Variants in PACSIN2 observed in about 807,000 individuals in gnomAD.
The protein encoded by PACSIN2 is protein kinase C and casein kinase substrate in neurons protein 2.
PACSIN2 carries 25 observed loss-of-function variants against 63.8 expected under a neutral mutation model. That is an observed-to-expected ratio of 0.39 (90% CI 0.29 to 0.55). The LOEUF (loss-of-function observed/expected upper bound fraction) is 0.55. PACSIN2 is among the 20% of genes least tolerant of loss of function. The probability of loss-of-function intolerance (pLI) is 0.62; values close to 1 mark genes in which losing one functional copy is unlikely to be tolerated. For missense variants in PACSIN2, 518 were observed against 646.9 expected, an observed-to-expected ratio of 0.80 and a Z score of 2.16; for synonymous variants, 255 against 256.2, an observed-to-expected ratio of 1.00 and a Z score of 0.05.
intron 1 of PACSIN2, among the ~76,000 whole-genome samples, chr22:42,987,634 C>A (rs1049121791): frequency 6.7e-6 from 1 of 149,870 alleles, no homozygotes; most frequent in Non-Finnish European, 1.5e-5. Context: ...CGGGTTCAAG[C>A]GATTCTCCTG....
chr22:42,936,345 T>C (rs1367201194), intron 1 of PACSIN2, among the ~76,000 whole-genome samples: 1 of 152,088 alleles, frequency 6.6e-6, no homozygotes, highest in Non-Finnish European at 1.5e-5. Flanking sequence ...AAACAATCCA[T>C]GTTGGTTCCC....
chr22:42,934,634 G>C (rs1932855266), intron 1 of PACSIN2, among the ~76,000 whole-genome samples: 1 of 152,232 alleles, frequency 6.6e-6, no homozygotes, highest in Non-Finnish European at 1.5e-5. Context: ...GGCCCAGTTT[G>C]AGTGTCATCT....
chr22:42,995,150 T>C (rs1293556933), intron 1 of PACSIN2, among the ~76,000 whole-genome samples: 1 of 152,206 alleles, frequency 6.6e-6, no homozygotes, highest in African/African-American at 2.4e-5. Flanking sequence ...TTAACTCACA[T>C]TGAGCTGAAG....
At chr22:42,992,969 G>C (rs1402300725) in intron 1 of PACSIN2, among the ~76,000 whole-genome samples, 1 of 152,148 alleles carries the variant, frequency 6.6e-6, no homozygotes, top group East Asian at 1.9e-4. Context: ...TTTGAGACCA[G>C]CCTGGGCAAC....
intron 1 of PACSIN2, among the ~76,000 whole-genome samples, chr22:42,969,743 AGCCTGG>A (rs1180036469): frequency 1.3e-5 from 2 of 152,046 alleles, no homozygotes; most frequent in Non-Finnish European, 2.9e-5. Context: ...GTTCGAGACC[AGCCTGG>A]GCAACATGGA....
At chr22:42,956,384 C>T (rs1490753570) in intron 1 of PACSIN2, among the ~76,000 whole-genome samples, 37 of 152,172 alleles carry the variant, frequency 2.4e-4, no homozygotes, top group Admixed American at 2.4e-3. Flanking sequence ...TAGACACAAC[C>T]TGTTACTTGG....
intron 8 of PACSIN2, 32 bp from the exon 9 acceptor site, chr22:42,877,042 A>G (rs773123036): frequency 3.1e-6 from 5 of 1,612,990 alleles, no homozygotes; most frequent in Non-Finnish European, 3.4e-6. Context: ...AGGGGATCCC[A>G]GCTCTGCAGG....
chr22:42,952,174 T>C (rs899977608), intron 1 of PACSIN2, among the ~76,000 whole-genome samples: 2 of 152,204 alleles, frequency 1.3e-5, no homozygotes, highest in Non-Finnish European at 2.9e-5. Flanking sequence ...TGTTTGCCCG[T>C]GTTCCTACCA....
intron 1 of PACSIN2, among the ~76,000 whole-genome samples, chr22:42,934,749 C>G (rs1345248912): frequency 6.6e-6 from 1 of 152,204 alleles, no homozygotes; most frequent in Non-Finnish European, 1.5e-5. Flanking sequence ...TTTCCCCAAC[C>G]AAGTTGTTAA....
chr22:42,940,175 C>T (rs1277377065), intron 1 of PACSIN2, among the ~76,000 whole-genome samples: 1 of 152,160 alleles, frequency 6.6e-6, no homozygotes, highest in Non-Finnish European at 1.5e-5. Flanking sequence ...ACAGAACAAA[C>T]AGTAAAACCA....
chr22:42,951,114 A>G (rs892201001), intron 1 of PACSIN2, among the ~76,000 whole-genome samples: 2 of 152,178 alleles, frequency 1.3e-5, no homozygotes, highest in Non-Finnish European at 1.5e-5. Flanking sequence ...ATAAGAATAC[A>G]CTGATTGAGT....
chr22:43,008,253 GTCT>G (rs1343043781), intron 1 of PACSIN2, among the ~76,000 whole-genome samples: 10 of 152,112 alleles, frequency 6.6e-5, no homozygotes, highest in East Asian at 3.9e-4. Flanking sequence ...AAATTCAGTG[GTCT>G]TCTTTTTTTT....
rs796355626 is a variant in PACSIN2 at position 43,013,470 on chromosome 22, A to G, written c.-78+1551T>C. ...CAAGTGAAAGTTTTCCAGGTGAATC[A>G]AGAGAGATCCAAGTTGCACTGGCAC... On this transcript the variant is annotated intron_variant, in intron 1 of 10. Transcript: ENST00000263246. Among the ~76,000 whole-genome samples, 8 of 152,346 alleles carry G rather than the reference A, an allele frequency of 5.3e-5. No homozygotes were observed. In the South Asian group the frequency reaches 1.7e-3, roughly 32 times the overall value.
rs117597236 is a variant in PACSIN2 at position 42,936,364 on chromosome 22, C to T, written c.-77-24207G>A. Reference sequence around the variant, plus strand: ...AATCCATGTTGGTTCCCTTCCCTGGCTCCAGTATCAGTGGAAGGAGATGGA... The same window carrying T: ...AATCCATGTTGGTTCCCTTCCCTGGTTCCAGTATCAGTGGAAGGAGATGGA... On this transcript the variant is annotated intron_variant, in intron 1 of 10. Coordinates refer to ENST00000263246, the MANE Select transcript of PACSIN2 (RefSeq NM_001184970.3). Among the ~76,000 whole-genome samples the T allele has an allele frequency of 8.5e-5, 13 of 152,302 alleles. No individual in the cohort carries two copies. In the South Asian group the frequency reaches 1.2e-3, roughly 15 times the overall value.
At chr22:42,886,350 A>G (rs1024757469) in intron 5 of PACSIN2, among the ~76,000 whole-genome samples, 2 of 152,242 alleles carry the variant, frequency 1.3e-5, no homozygotes, top group Admixed American at 1.3e-4. Context: ...GGATGCTACA[A>G]GATGTAGTTG....
At chr22:42,971,586 G>C (rs1292117517) in intron 1 of PACSIN2, among the ~76,000 whole-genome samples, 1 of 150,018 alleles carries the variant, frequency 6.7e-6, no homozygotes, top group Non-Finnish European at 1.5e-5. Context: ...CGGCCACCCA[G>C]TCTGGGAAGT....
At chr22:42,988,504 C>A (rs1922790378) in intron 1 of PACSIN2, among the ~76,000 whole-genome samples, 1 of 152,224 alleles carries the variant, frequency 6.6e-6, no homozygotes, top group Non-Finnish European at 1.5e-5. Context: ...AAATCTGGTT[C>A]AAATTCAGCA....
At chr22:43,013,456 T>C (rs1186335343) in intron 1 of PACSIN2, among the ~76,000 whole-genome samples, 1 of 152,212 alleles carries the variant, frequency 6.6e-6, no homozygotes, top group African/African-American at 2.4e-5. Context: ...AAGTGAAAGT[T>C]TTCCAGGTGA....
intron 5 of PACSIN2, among the ~76,000 whole-genome samples, chr22:42,885,640 A>G (rs1416315461): frequency 6.6e-6 from 1 of 152,034 alleles, no homozygotes. Context: ...CGTGGCTCAG[A>G]GCCCTGGGAG....
Sources: allele counts gnomAD v4.1 joint callset (sites outside exome capture counted in the v4.1 genomes callset), GRCh38; gene constraint gnomAD v4.1.1; transcripts MANE v1.5; gene names NCBI Gene and HGNC (gene_info 2026-07-23, HGNC 2026-07-21).